Variants in DERA observed in about 807,000 individuals in gnomAD.
DERA encodes 2-deoxy-D-ribose 5-phosphate aldolase.
In DERA, 15 loss-of-function variants were observed where a neutral mutation model predicts 41.1. That is an observed-to-expected ratio of 0.37 (90% CI 0.24 to 0.56). The LOEUF (loss-of-function observed/expected upper bound fraction) is 0.56. Ranked by LOEUF, DERA falls within the 20% of genes least tolerant of loss-of-function variation. DERA has a pLI of 0.81. For missense variants in DERA, 396 were observed against 403.4 expected (o/e 0.98, Z 0.16); for synonymous variants, 139 against 137.4 (o/e 1.01, Z -0.08).
chr12:15,985,363 T>G lies in DERA; in HGVS notation c.637+2927T>G, dbSNP rs1007135418. On this transcript the variant is annotated intron_variant, in intron 6 of 8. Transcript: ENST00000428559. The surrounding 1 kb of genome is among the most constrained non-coding windows in gnomAD (Gnocchi z 4.2). ...TAAGTATACTGAGTTGCTAAAATTG[T>G]TGGCATAATGTTGTTTATAATATGT... is the stretch of plus-strand genomic sequence containing the variant. The G allele has an allele frequency of 6.6e-6, 1 of 152,234 alleles. No homozygotes were observed. The highest frequency in any genetic ancestry group is 1.5e-5 in the Non-Finnish European group (1 of 68,042). The allele number at this position is 152,234 out of a possible 1,614,324, so 9.4% of individuals were successfully genotyped here. A position where few individuals can be genotyped will look rare whatever the true frequency, so the allele number is the denominator to read the frequency against.
intron 6 of DERA, among the ~76,000 whole-genome samples, chr12:15,997,376 AT>A (rs910186918): frequency 1.7e-4 from 25 of 150,846 alleles, no homozygotes; most frequent in South Asian, 1.1e-3. Context: ...GAAAAAAATG[AT>A]TTTTTTTTTA....
intron 4 of DERA, 106 bp from the exon 5 acceptor site, chr12:15,962,707 A>G (rs1225766913): frequency 2.2e-5 from 19 of 880,510 alleles, no homozygotes; most frequent in Non-Finnish European, 3.0e-5. Context: ...GAATTCTTTG[A>G]TGAACTACTA....
rs1948729378 is a variant in DERA at position 15,981,059 on chromosome 12, T to G, written c.509-1249T>G. 6.6e-6 allele frequency among the ~76,000 whole-genome samples: 1 copy of G among 152,088 alleles called. No homozygotes were observed. Among genetic ancestry groups the G allele is most frequent in the Non-Finnish European group, 1.5e-5 (1 of 68,016 alleles). On this transcript the variant is annotated intron_variant, in intron 5 of 8. Coordinates refer to ENST00000428559, the MANE Select transcript of DERA (RefSeq NM_015954.4). The surrounding 1 kb of genome is among the most constrained non-coding windows in gnomAD (Gnocchi z 6.1). Reference sequence around the variant, plus strand: ...TTACTCTGTATGTTTATAAAACTACTTCCTATGGGCCGGGCACCGTGGCTC... The same window carrying G: ...TTACTCTGTATGTTTATAAAACTACGTCCTATGGGCCGGGCACCGTGGCTC...
intron 1 of DERA, 25 bp from the exon 2 acceptor site, chr12:15,956,911 G>A: frequency 6.4e-7 from 1 of 1,560,524 alleles, no homozygotes; most frequent in Non-Finnish European, 8.8e-7. Flanking sequence ...TTAGGTTTCA[G>A]AAAGTGTTTT....
chr12:16,027,419 T>A (rs1170613199), intron 6 of DERA, among the ~76,000 whole-genome samples: 1 of 152,218 alleles, frequency 6.6e-6, no homozygotes, highest in Non-Finnish European at 1.5e-5. Context: ...AAAAGAGCTG[T>A]TGCAGGTGTG....
chr12:15,937,552 AGT>A (rs1281691632), intron 1 of DERA, among the ~76,000 whole-genome samples: 2 of 152,312 alleles, frequency 1.3e-5, no homozygotes, highest in East Asian at 3.9e-4. Context: ...CTTTTTACCC[AGT>A]GTCTTTAGCA....
At chr12:15,971,248 C>T (rs894246632) in intron 5 of DERA, among the ~76,000 whole-genome samples, 4 of 152,112 alleles carry the variant, frequency 2.6e-5, no homozygotes, top group African/African-American at 9.7e-5. Flanking sequence ...AGGAAATATA[C>T]ATAAAATACA....
intron 1 of DERA, among the ~76,000 whole-genome samples, chr12:15,914,419 G>A: frequency 6.9e-6 from 1 of 145,770 alleles, no homozygotes; most frequent in East Asian, 2.0e-4. Flanking sequence ...AAAAGAAAAA[G>A]TCTGTTGAAT....
intron 6 of DERA, among the ~76,000 whole-genome samples, chr12:16,028,188 G>A (rs1242077262): frequency 6.6e-6 from 1 of 152,130 alleles, no homozygotes; most frequent in Non-Finnish European, 1.5e-5. Context: ...ACCAGGACTG[G>A]TGCAGAAAAC....
chr12:15,963,719 T>C (rs1039774011), intron 5 of DERA, among the ~76,000 whole-genome samples: 4 of 152,318 alleles, frequency 2.6e-5, no homozygotes, highest in African/African-American at 9.6e-5. Context: ...ATTGTCTCTT[T>C]ATATATCAAA....
rs1262430401 is a variant in DERA, at chr12:16,003,715, A to G, written c.637+21279A>G. On this transcript the variant is annotated intron_variant, in intron 6 of 8. Transcript: ENST00000428559. This position sits in a 1 kb window ranked among gnomAD's most constrained non-coding sequence, Gnocchi z 4.8. ...AAACAAGAGTGTCAATTTCTGGCTC[A>G]TGAGTGAGAAGTATTCCTCCTTAGT... Among the ~76,000 whole-genome samples the G allele has an allele frequency of 6.6e-6, 1 of 152,174 alleles. No individual in the cohort carries two copies. The highest frequency in any genetic ancestry group is 1.9e-4 in the East Asian group (1 of 5,186).
At chr12:15,953,044 CT>C (rs1948510290) in intron 1 of DERA, among the ~76,000 whole-genome samples, 1 of 152,168 alleles carries the variant, frequency 6.6e-6, no homozygotes, top group African/African-American at 2.4e-5. Flanking sequence ...CCTCTACCCA[CT>C]AGATACAAGT....
chr12:15,976,810 A>G lies in DERA; in HGVS notation c.509-5498A>G, dbSNP rs1948700688. On this transcript the variant is annotated intron_variant, in intron 5 of 8. Coordinates refer to ENST00000428559, the MANE Select transcript of DERA (RefSeq NM_015954.4). The surrounding 1 kb of genome is among the most constrained non-coding windows in gnomAD (Gnocchi z 4.1). Reference sequence around the variant, plus strand: ...GCTCTCCTATCTAATCTTGAGGAGAAAAATGAAGCTTGGAGAGGTTCAGTA... The same window carrying G: ...GCTCTCCTATCTAATCTTGAGGAGAGAAATGAAGCTTGGAGAGGTTCAGTA... 6.7e-6 allele frequency among the ~76,000 whole-genome samples: 1 copy of G among 149,338 alleles called. No individual in the cohort carries two copies. The highest frequency in any genetic ancestry group is 1.5e-5 in the Non-Finnish European group (1 of 68,032).
At chr12:16,032,014 G>A (rs1306080144) in intron 6 of DERA, among the ~76,000 whole-genome samples, 2 of 152,128 alleles carry the variant, frequency 1.3e-5, no homozygotes, top group African/African-American at 4.8e-5. Flanking sequence ...GAAATAGCGT[G>A]GTCTCTTTCA....
rs1592040228 is a variant in DERA, at chr12:15,994,193, A to G, written c.637+11757A>G. ...CTAGTACATGCTTGCTGATAGATTC[A>G]GGTATCACACATATGAGTACAGTGG... On this transcript the variant is annotated intron_variant, in intron 6 of 8. Transcript: ENST00000428559. This position sits in a 1 kb window ranked among gnomAD's most constrained non-coding sequence, Gnocchi z 4.8. Among the ~76,000 whole-genome samples, 1 of 152,350 alleles carries G rather than the reference A, an allele frequency of 6.6e-6. No homozygotes were observed. Among genetic ancestry groups the G allele is most frequent in the East Asian group, 1.9e-4 (1 of 5,188 alleles).
chr12:15,947,707 CAT>C (rs2136140524), intron 1 of DERA, among the ~76,000 whole-genome samples: 2 of 152,276 alleles, frequency 1.3e-5, no homozygotes, highest in East Asian at 3.9e-4. Context: ...AGCCCATTTA[CAT>C]TTAAGGTTAA....
chr12:15,986,050 G>A (rs541920611), intron 6 of DERA, among the ~76,000 whole-genome samples: 1 of 151,968 alleles, frequency 6.6e-6, no homozygotes, highest in Non-Finnish European at 1.5e-5. Flanking sequence ...ATACCTTTAG[G>A]ATTGTTATGT....
At chr12:15,939,705 A>T (rs1258934014) in intron 1 of DERA, among the ~76,000 whole-genome samples, 1 of 152,124 alleles carries the variant, frequency 6.6e-6, no homozygotes, top group African/African-American at 2.4e-5. Flanking sequence ...ATAGTTCAAG[A>T]CCAGTGTACA....
In DERA at chr12:15,915,734, C is replaced by T. The variant is rs1357529162; in HGVS notation, c.31+4320C>T. ...TGATAGTGTCAACACAGAGCTCTAGCTACTTGTAAGGCACTATGCTGAATG... is the reference window on the plus strand; with the variant it reads ...TGATAGTGTCAACACAGAGCTCTAGTTACTTGTAAGGCACTATGCTGAATG... On this transcript the variant is annotated intron_variant, in intron 1 of 8. Coordinates refer to ENST00000428559, the MANE Select transcript of DERA (RefSeq NM_015954.4). The surrounding 1 kb of genome is among the most constrained non-coding windows in gnomAD (Gnocchi z 4.8). Among the ~76,000 whole-genome samples, 1 of 152,230 alleles carries T rather than the reference C, an allele frequency of 6.6e-6. No homozygotes were observed. Among genetic ancestry groups the T allele is most frequent in the Non-Finnish European group, 1.5e-5 (1 of 68,036 alleles).
Sources: gnomAD v4.1 joint callset for allele counts (sites outside exome capture counted in the v4.1 genomes callset) on GRCh38, gnomAD v4.1.1 for gene constraint, Gnocchi (gnomAD v3.1) non-coding constraint, MANE v1.5 for transcripts, NCBI Gene and HGNC (gene_info 2026-07-23, HGNC 2026-07-21) for gene names.